Variants in RBMS3 observed in about 807,000 individuals in gnomAD.
The protein encoded by RBMS3 is RNA binding motif single stranded interacting protein 3.
A neutral mutation model predicts 66.8 loss-of-function variants in RBMS3; 27 were observed. That is an observed-to-expected ratio of 0.40 (90% CI 0.30 to 0.56). RBMS3 has a LOEUF of 0.56. RBMS3 is among the 20% of genes least tolerant of loss of function. The probability of loss-of-function intolerance (pLI) is 0.40; values close to 1 mark genes in which losing one functional copy is unlikely to be tolerated. For missense variants in RBMS3, 513 were observed against 549.5 expected (o/e 0.93, Z 0.66); for synonymous variants, 188 against 183.0 (o/e 1.03, Z -0.22).
chr3:29,410,944 C>T (rs1239902704), intron 1 of RBMS3, among the ~76,000 whole-genome samples: 6 of 143,236 alleles, frequency 4.2e-5, no homozygotes, highest in African/African-American at 1.0e-4. Context: ...GAAATGACTT[C>T]ATGATTCCTA....
intron 4 of RBMS3, among the ~76,000 whole-genome samples, chr3:29,602,308 C>T (rs9850769): frequency 0.15 from 22,204 of 151,960 alleles, 1,871 homozygotes; most frequent in East Asian, 0.32. Context: ...ATGTCTGAAA[C>T]GTTCAGTCTT....
At chr3:29,616,921 A>G (rs6809791) in intron 4 of RBMS3, 2 of 152,246 alleles carry the variant, frequency 1.3e-5, no homozygotes, top group African/African-American at 4.8e-5. Flanking sequence ...TGGGAGAAAT[A>G]TATACAGGTG....
At chr3:29,767,493 A>G (rs1372133265) in intron 6 of RBMS3, 4 of 151,854 alleles carry the variant, frequency 2.6e-5, no homozygotes, top group African/African-American at 9.7e-5. Context: ...AAATTTAACA[A>G]CTCTTGTGAC....
intron 2 of RBMS3, among the ~76,000 whole-genome samples, chr3:29,464,397 G>C (rs2042470331): frequency 6.6e-6 from 1 of 152,160 alleles, no homozygotes; most frequent in Non-Finnish European, 1.5e-5. Flanking sequence ...AGGATAGACT[G>C]AGGCTCACTC....
At chr3:29,668,549 C>G (rs1443349908) in intron 4 of RBMS3, among the ~76,000 whole-genome samples, 2 of 152,072 alleles carry the variant, frequency 1.3e-5, no homozygotes, top group Non-Finnish European at 2.9e-5. Context: ...TCCTATCTTT[C>G]AGTATCCCAC....
chr3:29,967,655 C>T (rs974460953), intron 12 of RBMS3, among the ~76,000 whole-genome samples: 4 of 152,138 alleles, frequency 2.6e-5, no homozygotes, highest in African/African-American at 9.7e-5. Flanking sequence ...TGCTTGTTAT[C>T]GGTCTGTTCA....
chr3:29,696,383 A>G (rs1281814336), intron 4 of RBMS3, among the ~76,000 whole-genome samples: 2 of 152,188 alleles, frequency 1.3e-5, no homozygotes, highest in South Asian at 2.1e-4. Flanking sequence ...GGTACCTGCC[A>G]TTATTATTGC....
At chr3:29,956,653 A>G (rs548142831) in intron 12 of RBMS3, among the ~76,000 whole-genome samples, 4 of 152,240 alleles carry the variant, frequency 2.6e-5, no homozygotes, top group Admixed American at 1.3e-4. Context: ...CTAAAATTTA[A>G]AAGTATCTCT....
chr3:29,668,512 G>GA (rs201353659), intron 4 of RBMS3, among the ~76,000 whole-genome samples: 4,392 of 149,336 alleles, frequency 0.029, 202 homozygotes, highest in African/African-American at 0.099. Context: ...TAGAAGCCAA[G>GA]AAAAAAAAAA....
intron 13 of RBMS3, among the ~76,000 whole-genome samples, chr3:29,989,269 G>A (rs538599684): frequency 1.3e-5 from 2 of 152,044 alleles, no homozygotes; most frequent in South Asian, 2.1e-4. Context: ...TACTGGACAG[G>A]GCCATAAACT....
chr3:30,001,079 A>G (rs1373764661), intron 14 of RBMS3, among the ~76,000 whole-genome samples: 1 of 152,080 alleles, frequency 6.6e-6, no homozygotes, highest in Non-Finnish European at 1.5e-5. Context: ...AAGAAGTCTA[A>G]CAGTTTCATC....
intron 3 of RBMS3, among the ~76,000 whole-genome samples, chr3:29,502,160 A>G (rs1238122816): frequency 1.3e-5 from 2 of 152,124 alleles, no homozygotes; most frequent in Non-Finnish European, 2.9e-5. Context: ...ACTCATTTGT[A>G]TACCTGCTTG....
At chr3:29,417,128 T>G (rs1393991348) in intron 1 of RBMS3, among the ~76,000 whole-genome samples, 1 of 152,122 alleles carries the variant, frequency 6.6e-6, no homozygotes, top group Non-Finnish European at 1.5e-5. Flanking sequence ...TTCTGAAGTG[T>G]GTCAGGGAAT....
chr3:29,790,722 G>GTGTCTGCCC (rs2056982663), intron 6 of RBMS3, among the ~76,000 whole-genome samples: 1 of 151,918 alleles, frequency 6.6e-6, no homozygotes, highest in Non-Finnish European at 1.5e-5. Flanking sequence ...CTCCTTTTTT[G>GTGTCTGCCC]TGTCTGCCCT....
At chr3:29,444,800 T>TTTTC (rs1559366943) in intron 2 of RBMS3, among the ~76,000 whole-genome samples, 1 of 133,716 alleles carries the variant, frequency 7.5e-6, no homozygotes, top group Non-Finnish European at 1.6e-5. Context: ...TTTTTTTTTT[T>TTTTC]TTTTTTTTTT....
chr3:29,885,906 A>G (rs1221503975), intron 8 of RBMS3, among the ~76,000 whole-genome samples: 1 of 151,888 alleles, frequency 6.6e-6, no homozygotes, highest in East Asian at 1.9e-4. Context: ...GCAGTGACCC[A>G]GACATAACTT....
At chr3:29,801,952 G>A (rs2057404154) in intron 6 of RBMS3, among the ~76,000 whole-genome samples, 1 of 152,144 alleles carries the variant, frequency 6.6e-6, no homozygotes, top group Non-Finnish European at 1.5e-5. Flanking sequence ...AATGGGAGCT[G>A]CTATCATATT....
rs919631729 is a variant in RBMS3, at chr3:29,444,790, T to C, written c.248+9875T>C. On this transcript the variant is annotated intron_variant, in intron 2 of 14. Transcript: ENST00000383767. ...TTCTTTCAAGCGGAAATATATGCCT[T>C]TTTTTTTTTTTTTTTTTTTTTTGCT... Among the ~76,000 whole-genome samples the C allele has an allele frequency of 1.6e-3, 176 of 108,616 alleles. 1 individual carries two copies. Among genetic ancestry groups the C allele is most frequent in the African/African-American group, 6.4e-3 (169 of 26,560 alleles). The allele number at this position is 108,616 out of a possible 152,430, so 71.3% of individuals were successfully genotyped here.
intron 6 of RBMS3, among the ~76,000 whole-genome samples, chr3:29,850,523 C>T (rs1283730802): frequency 1.3e-5 from 2 of 151,750 alleles, no homozygotes; most frequent in African/African-American, 2.4e-5. Flanking sequence ...TTTTTGGGCT[C>T]CTTTGAGTAT....
Sources: gnomAD v4.1 joint callset for allele counts (sites outside exome capture counted in the v4.1 genomes callset) on GRCh38, gnomAD v4.1.1 for gene constraint, MANE v1.5 for transcripts, NCBI Gene and HGNC (gene_info 2026-07-23, HGNC 2026-07-21) for gene names.